The following EPB41L4B variants were observed in gnomAD, a reference collection of about 807,000 sequenced individuals.
EPB41L4B encodes the protein band 4.1-like protein 4B.
EPB41L4B carries 30 observed loss-of-function variants against 112.5 expected under a neutral mutation model. The ratio of observed to expected loss-of-function variants is 0.27; its 90% confidence interval spans 0.20 to 0.36. The LOEUF is 0.36. Among genes scored for constraint, EPB41L4B ranks in the 10% least tolerant of loss-of-function variants. The probability of loss-of-function intolerance (pLI) is 1.00; values close to 1 mark genes in which losing one functional copy is unlikely to be tolerated. For missense variants in EPB41L4B, 1,024 were observed against 1,133.3 expected (o/e 0.90, Z 1.38); for synonymous variants, 408 against 439.7 (o/e 0.93, Z 0.90).
At chr9:109,180,817 C>T (rs1176617600) in intron 24 of EPB41L4B, among the ~76,000 whole-genome samples, 6 of 152,122 alleles carry the variant, frequency 3.9e-5, no homozygotes, top group African/African-American at 9.7e-5. Context: ...CTCTGGTTCC[C>T]GGGAGGAGGA....
chr9:109,200,640 G>A (rs1455054230), intron 19 of EPB41L4B, among the ~76,000 whole-genome samples: 2 of 152,142 alleles, frequency 1.3e-5, no homozygotes, highest in Non-Finnish European at 2.9e-5. Context: ...CCCAATATGA[G>A]GGGTGAACCA....
chr9:109,207,782 G>A, intron 18 of EPB41L4B, 142 bp downstream of exon 18: 1 of 979,016 alleles, frequency 1.0e-6, no homozygotes. Flanking sequence ...CACATATCAG[G>A]TATGGTTCAC....
chr9:109,284,829 T>C (rs1836209956), intron 1 of EPB41L4B, among the ~76,000 whole-genome samples: 1 of 152,248 alleles, frequency 6.6e-6, no homozygotes, highest in South Asian at 2.1e-4. Context: ...GGATATTTTT[T>C]TCCCTATTAC....
Position 109,173,856 on chromosome 9 carries a change from T to C in EPB41L4B, c.*698A>G, listed in dbSNP as rs1454132534. 6.6e-6 allele frequency: 1 copy of C among 152,432 alleles called. No individual in the cohort carries two copies. The highest frequency in any genetic ancestry group is 2.4e-5 in the African/African-American group (1 of 41,474). 9.4% of individuals were successfully genotyped at this position (152,432 alleles called of 1,614,324 possible). ...GAAATAATTTTCTGAATCTTCTTGATATTGAATCATCTTAACCTTGTAAGG... is the reference window on the plus strand; with the variant it reads ...GAAATAATTTTCTGAATCTTCTTGACATTGAATCATCTTAACCTTGTAAGG... On this transcript the variant is annotated 3_prime_UTR_variant, in exon 26 of 26. Transcript: ENST00000374566.
intron 1 of EPB41L4B, among the ~76,000 whole-genome samples, chr9:109,314,905 G>T (rs1450061935): frequency 1.3e-5 from 2 of 152,108 alleles, no homozygotes; most frequent in Non-Finnish European, 2.9e-5. Flanking sequence ...CCTCCTGCGG[G>T]TCCCTTAATT....
At chr9:109,195,799 G>T (rs1039255730) in intron 20 of EPB41L4B, among the ~76,000 whole-genome samples, 1 of 152,128 alleles carries the variant, frequency 6.6e-6, no homozygotes, top group Non-Finnish European at 1.5e-5. Flanking sequence ...TCACAGAAGG[G>T]AGTCAACTGA....
At chr9:109,280,119 A>C (rs1019662081) in intron 1 of EPB41L4B, among the ~76,000 whole-genome samples, 198 bp from the exon 2 acceptor site, 1 of 152,252 alleles carries the variant, frequency 6.6e-6, no homozygotes, top group Non-Finnish European at 1.5e-5. Flanking sequence ...AATAGCATAA[A>C]GTTAAGAATC....
At chr9:109,234,723 A>G (rs915189881) in intron 15 of EPB41L4B, among the ~76,000 whole-genome samples, 4 of 152,154 alleles carry the variant, frequency 2.6e-5, no homozygotes, top group African/African-American at 9.7e-5. Flanking sequence ...AAAATTTAGC[A>G]AAGCATGGTG....
intron 1 of EPB41L4B, among the ~76,000 whole-genome samples, chr9:109,309,761 G>A (rs1330641691): frequency 6.9e-6 from 1 of 144,626 alleles, no homozygotes; most frequent in Non-Finnish European, 1.5e-5. Flanking sequence ...CACACAGAGA[G>A]AGAGAGAGAG....
chr9:109,249,322 G>A (rs182702777), intron 13 of EPB41L4B, among the ~76,000 whole-genome samples: 97 of 151,976 alleles, frequency 6.4e-4, no homozygotes, highest in Non-Finnish European at 1.2e-3. Flanking sequence ...CGTTCCGCAA[G>A]GTGCTATTTT....
chr9:109,215,645 G>C (rs373968995), intron 16 of EPB41L4B, among the ~76,000 whole-genome samples: 80 of 152,230 alleles, frequency 5.3e-4, no homozygotes, highest in Non-Finnish European at 1.0e-3. Context: ...GTACCACTGC[G>C]TCCAGCCCTC....
intron 17 of EPB41L4B, among the ~76,000 whole-genome samples, chr9:109,209,747 T>C (rs958550791): frequency 2.6e-5 from 4 of 152,172 alleles, no homozygotes; most frequent in African/African-American, 9.7e-5. Flanking sequence ...ATGCATTTCA[T>C]ACGCATGTCT....
At chr9:109,192,604 G>C (rs957666757) in intron 21 of EPB41L4B, among the ~76,000 whole-genome samples, 2 of 152,168 alleles carry the variant, frequency 1.3e-5, no homozygotes, top group Non-Finnish European at 2.9e-5. Flanking sequence ...CTTTTCTTAA[G>C]TGCTCTTAGT....
At chr9:109,198,193 A>C (rs1214091822) in intron 20 of EPB41L4B, among the ~76,000 whole-genome samples, 2 of 152,194 alleles carry the variant, frequency 1.3e-5, no homozygotes, top group Non-Finnish European at 2.9e-5. Context: ...TACAAATGGC[A>C]GACCTGAGAT....
chr9:109,278,728 T>C (rs767153372), intron 2 of EPB41L4B, among the ~76,000 whole-genome samples: 1 of 152,154 alleles, frequency 6.6e-6, no homozygotes, highest in South Asian at 2.1e-4. Flanking sequence ...CCATCTGGCA[T>C]ATGACATATC....
chr9:109,199,112 C>T (rs1049907867), intron 20 of EPB41L4B, among the ~76,000 whole-genome samples: 1 of 152,122 alleles, frequency 6.6e-6, no homozygotes, highest in Non-Finnish European at 1.5e-5. Context: ...TATTCCCTAA[C>T]GATGCCTAGA....
Position 109,232,117 on chromosome 9 carries a change from G to A in EPB41L4B, c.1409+11501C>T, listed in dbSNP as rs111491299. 1.2e-3 allele frequency among the ~76,000 whole-genome samples: 189 copies of A among 151,808 alleles called. No homozygotes were observed. The East Asian group carries it at 0.013, about 11-fold the overall frequency. On this transcript the variant is annotated intron_variant, in intron 15 of 25. Coordinates refer to ENST00000374566, the MANE Select transcript of EPB41L4B (RefSeq NM_019114.5). ...AATGATTCTCCTGCCTCAGACCCCCGAGTAGCTGGGATTACAGATGTGTGC... is the reference window on the plus strand; with the variant it reads ...AATGATTCTCCTGCCTCAGACCCCCAAGTAGCTGGGATTACAGATGTGTGC...
intron 15 of EPB41L4B, among the ~76,000 whole-genome samples, chr9:109,236,307 C>T (rs1043730420): frequency 3.3e-5 from 5 of 151,992 alleles, no homozygotes; most frequent in Non-Finnish European, 5.9e-5. Flanking sequence ...CTAGAATGCT[C>T]GCATTTTTCT....
chr9:109,199,641 T>C (rs1832755450), intron 20 of EPB41L4B, among the ~76,000 whole-genome samples: 1 of 152,214 alleles, frequency 6.6e-6, no homozygotes, highest in Non-Finnish European at 1.5e-5. Context: ...CACTCCAGCC[T>C]GAGCGACAGA....
Sources: gnomAD v4.1 joint callset for allele counts (sites outside exome capture counted in the v4.1 genomes callset) on GRCh38, gnomAD v4.1.1 for gene constraint, MANE v1.5 for transcripts, NCBI Gene and HGNC (gene_info 2026-07-23, HGNC 2026-07-21) for gene names.